MSANTD4: variants seen among roughly 807,000 people sequenced by gnomAD.
MSANTD4 encodes myb/SANT-like DNA-binding domain-containing protein 4.
MSANTD4 carries 13 observed loss-of-function variants against 34.3 expected under a neutral mutation model. The observed-to-expected ratio is 0.38, with a 90% CI of 0.25 to 0.60. MSANTD4 has a LOEUF of 0.60. Ranked by LOEUF, MSANTD4 falls within the 20% of genes least tolerant of loss-of-function variation. The pLI, the probability that MSANTD4 is intolerant of heterozygous loss-of-function variation, is 0.63. For missense variants in MSANTD4, 358 were observed against 401.8 expected (o/e 0.89, Z 0.93); for synonymous variants, 137 against 145.2 (o/e 0.94, Z 0.41).
Position 106,022,095 on chromosome 11 carries a change from T to C in MSANTD4, c.-1284A>G, listed in dbSNP as rs1201734010. 1 of 152,388 alleles carries C rather than the reference T, an allele frequency of 6.6e-6. No individual in the cohort carries two copies. The highest frequency in any genetic ancestry group is 1.5e-5 in the Non-Finnish European group (1 of 68,254). The allele number at this position is 152,388 out of a possible 1,614,324, so 9.4% of individuals were successfully genotyped here. A position where few individuals can be genotyped will look rare whatever the true frequency, so the allele number is the denominator to read the frequency against. ...AACCCGGCAGCAAGCGTTGCGCCAATTGCCGCTGACCCCTCCGGGACCCTA... is the reference window on the plus strand; with the variant it reads ...AACCCGGCAGCAAGCGTTGCGCCAACTGCCGCTGACCCCTCCGGGACCCTA... On this transcript the variant is annotated 5_prime_UTR_variant, in exon 1 of 3. Transcript: ENST00000301919.
chr11:106,016,545 T>TA (rs1859856044), intron 1 of MSANTD4, among the ~76,000 whole-genome samples: 1 of 151,968 alleles, frequency 6.6e-6, no homozygotes, highest in African/African-American at 2.4e-5. Context: ...GAGGTAAAAA[T>TA]ATGAACTCAA....
At chr11:106,019,007 C>T (rs1338488575) in intron 1 of MSANTD4, among the ~76,000 whole-genome samples, 6 of 152,186 alleles carry the variant, frequency 3.9e-5, no homozygotes, top group Non-Finnish European at 8.8e-5. Context: ...GTGTTTAAAA[C>T]CTTTCAAGGC....
At chr11:106,019,652 T>C (rs1859970008) in intron 1 of MSANTD4, among the ~76,000 whole-genome samples, 1 of 152,178 alleles carries the variant, frequency 6.6e-6, no homozygotes, top group Non-Finnish European at 1.5e-5. Flanking sequence ...AAGTCTGATG[T>C]CCTCCCTATG....
chr11:106,016,859 G>C (rs1248681309), intron 1 of MSANTD4, among the ~76,000 whole-genome samples: 4 of 151,680 alleles, frequency 2.6e-5, no homozygotes, highest in African/African-American at 9.7e-5. Context: ...AGGTTATCAA[G>C]GACATTAAAA....
intron 2 of MSANTD4, 118 bp downstream of exon 2, chr11:106,010,338 G>C: frequency 4.2e-6 from 6 of 1,440,214 alleles, no homozygotes; most frequent in South Asian, 1.5e-5. Context: ...AGAATGACTT[G>C]TTATGTACTA....
intron 2 of MSANTD4, among the ~76,000 whole-genome samples, 162 bp from the exon 3 acceptor site, chr11:106,010,272 C>A (rs1382102218): frequency 6.6e-6 from 1 of 151,864 alleles, no homozygotes; most frequent in Non-Finnish European, 1.5e-5. Context: ...ATACATATAA[C>A]CTAGGTAATT....
chr11:106,011,920 C>T (rs1021957431), intron 1 of MSANTD4, among the ~76,000 whole-genome samples: 1 of 152,128 alleles, frequency 6.6e-6, no homozygotes, highest in Non-Finnish European at 1.5e-5. Flanking sequence ...ATGCCAACTA[C>T]CTACATTTTA....
intron 1 of MSANTD4, among the ~76,000 whole-genome samples, chr11:106,017,481 AT>A (rs1260418980): frequency 6.6e-6 from 1 of 152,124 alleles, no homozygotes; most frequent in African/African-American, 2.4e-5. Context: ...GAACTACATT[AT>A]TTAAAGTCCC....
Position 106,010,073 on chromosome 11 carries a change from A to C in MSANTD4, c.500T>G (p.Val167Gly). 6.3e-7 allele frequency: 1 copy of C among 1,583,482 alleles called. No individual in the cohort carries two copies. Among genetic ancestry groups the C allele is most frequent in the East Asian group, 2.2e-5 (1 of 44,694 alleles). ...IEEEEEMLSS[V>G]IPDSRRENEL... is the part of the protein sequence containing the mutation. ...ATTTTCTCTCCTGGAATCTGGTATG[A>C]CGGATGACAACATTTCTTCCTCCTC... Residue 167 changes from valine (V) to glycine (G), a missense_variant, in exon 3 of 3, where the codon GTC becomes GGC. Val to Gly is a moderately radical substitution (Grantham distance 109). Around this residue, in one of 2 missense-constraint regions of MSANTD4, gnomAD observed 312 missense variants for 317.6 expected, o/e 0.98. Transcript: ENST00000301919.
chr11:106,015,784 A>G (rs1425444244), intron 1 of MSANTD4, among the ~76,000 whole-genome samples: 1 of 152,150 alleles, frequency 6.6e-6, no homozygotes, highest in African/African-American at 2.4e-5. Flanking sequence ...TAAATCAAAT[A>G]TTATCTAATA....
chr11:106,014,503 T>TGAAAAATA (rs1293821490), intron 1 of MSANTD4, among the ~76,000 whole-genome samples: 8 of 152,238 alleles, frequency 5.3e-5, no homozygotes, highest in Admixed American at 3.9e-4. Context: ...ATAGTTCTAC[T>TGAAAAATA]CTAATTCACA....
At chr11:106,010,153 T>G in intron 2 of MSANTD4, 43 bp from the exon 3 acceptor site, 5 of 1,462,282 alleles carry the variant, frequency 3.4e-6, no homozygotes, top group Non-Finnish European at 4.5e-6. Context: ...TGACTTCTAC[T>G]TTGTGGCAAT....
rs576500666 is a variant in MSANTD4 at position 106,013,410 on chromosome 11, A to C, written c.-150-2343T>G. Among the ~76,000 whole-genome samples, 9 of 152,322 alleles carry C rather than the reference A, an allele frequency of 5.9e-5. No homozygotes were observed. The South Asian group carries it at 1.9e-3, about 32-fold the overall frequency. ...TCATTTAAACCCCATCATAACATTA[A>C]ATGGGAGATACCAGCCTTTCTATTT... On this transcript the variant is annotated intron_variant, in intron 1 of 2. Transcript: ENST00000301919.
At position 106,021,638 on chromosome 11, in the gene MSANTD4, A is replaced by G. The variant is rs559642311; in HGVS notation, c.-827T>C. 7.2e-5 allele frequency: 11 copies of G among 152,266 alleles called. No individual in the cohort carries two copies. The highest frequency in any genetic ancestry group is 2.6e-4 in the African/African-American group (11 of 41,544). The allele number at this position is 152,266 out of a possible 1,614,324, so 9.4% of individuals were successfully genotyped here. ...TCCCCTATATTCTTATAGGGGATTC[A>G]CTTCCCTGCCAAAAAGTATGTTCTT... is the stretch of plus-strand genomic sequence containing the variant. On this transcript the variant is annotated 5_prime_UTR_variant, in exon 1 of 3. Transcript: ENST00000301919.
At chr11:106,012,158 A>C (rs75032832) in intron 1 of MSANTD4, among the ~76,000 whole-genome samples, 3 of 138,814 alleles carry the variant, frequency 2.2e-5, no homozygotes, top group Non-Finnish European at 4.7e-5. Context: ...AAAAAAAAAA[A>C]ATGATCACTC....
At chr11:106,016,545 T>C (rs1238942517) in intron 1 of MSANTD4, among the ~76,000 whole-genome samples, 2 of 151,968 alleles carry the variant, frequency 1.3e-5, no homozygotes, top group Non-Finnish European at 2.9e-5. Flanking sequence ...GAGGTAAAAA[T>C]ATGAACTCAA....
At chr11:106,013,739 A>G (rs1362746618) in intron 1 of MSANTD4, among the ~76,000 whole-genome samples, 1 of 152,130 alleles carries the variant, frequency 6.6e-6, no homozygotes, top group Non-Finnish European at 1.5e-5. Context: ...GTGCACACCT[A>G]TAATCCCAGC....
chr11:106,009,890 A>G lies in MSANTD4; in HGVS notation c.683T>C (p.Val228Ala), dbSNP rs749466192. The change falls in exon 3 of 3, where the codon GTA becomes GCA. Residue 228 changes from valine (V) to alanine (A), a missense_variant. Coordinates refer to ENST00000301919, the MANE Select transcript of MSANTD4 (RefSeq NM_032424.3). ...RLDIEAERLQ[V>A]EKERLQIEKE... ...CTCGATTTGTAGGCGTTCCTTTTCT[A>G]CCTGCAGCCTTTCGGCCTCGATATC... 6.2e-7 allele frequency: 1 copy of G among 1,613,582 alleles called. No individual in the cohort carries two copies. Among genetic ancestry groups the G allele is most frequent in the Admixed American group, 1.7e-5 (1 of 59,838 alleles).
intron 1 of MSANTD4, among the ~76,000 whole-genome samples, chr11:106,012,928 T>A (rs1859737741): frequency 6.6e-6 from 1 of 152,148 alleles, no homozygotes; most frequent in Admixed American, 6.5e-5. Flanking sequence ...CTTTGCATTA[T>A]CAGAAGGCAT....
Sources: gnomAD v4.1 joint callset for allele counts (sites outside exome capture counted in the v4.1 genomes callset) on GRCh38, gnomAD v4.1.1 for gene constraint, gnomAD v4.1.1 regional missense constraint, MANE v1.5 for transcripts, NCBI Gene and HGNC (gene_info 2026-07-23, HGNC 2026-07-21) for gene names.